STK32B: variants seen among roughly 807,000 people sequenced by gnomAD.
STK32B encodes serine/threonine kinase 32B.
In STK32B, 43 loss-of-function variants were observed where a neutral mutation model predicts 52.6. The ratio of observed to expected loss-of-function variants is 0.82; its 90% CI spans 0.64 to 1.05. STK32B has a LOEUF of 1.05. STK32B is among the 50% of genes least tolerant of loss of function. The pLI, the probability that STK32B is intolerant of heterozygous loss-of-function variation, is 0.00. For missense variants in STK32B, 621 were observed against 534.6 expected (o/e 1.16, Z -1.59); for synonymous variants, 238 against 204.3 (o/e 1.17, Z -1.41).
At chr4:5,413,936 C>G (rs919858789) in intron 5 of STK32B, among the ~76,000 whole-genome samples, 8 of 152,180 alleles carry the variant, frequency 5.3e-5, no homozygotes, top group Non-Finnish European at 1.5e-5. Context: ...ACATAATATG[C>G]GTACCCTTGG....
chr4:5,166,793 G>C (rs927916848), intron 2 of STK32B, among the ~76,000 whole-genome samples: 6 of 152,056 alleles, frequency 3.9e-5, no homozygotes, highest in African/African-American at 1.4e-4. Context: ...AGCAACCTGA[G>C]GAACCCACAC....
intron 3 of STK32B, among the ~76,000 whole-genome samples, chr4:5,229,741 G>A (rs1365113502): frequency 6.6e-6 from 1 of 152,080 alleles, no homozygotes; most frequent in Non-Finnish European, 1.5e-5. Flanking sequence ...TTTTCTGGAA[G>A]TTATCTTGAA....
At chr4:5,319,360 C>T (rs1164998316) in intron 3 of STK32B, among the ~76,000 whole-genome samples, 1 of 152,212 alleles carries the variant, frequency 6.6e-6, no homozygotes, top group African/African-American at 2.4e-5. Context: ...AACTGCTCTC[C>T]TGCCTAAAGC....
chr4:5,218,170 A>T (rs1469911832), intron 3 of STK32B, among the ~76,000 whole-genome samples: 1 of 152,168 alleles, frequency 6.6e-6, no homozygotes, highest in Non-Finnish European at 1.5e-5. Context: ...CTGGTAACAC[A>T]GGCTACTGGG....
At chr4:5,438,273 CA>C (rs1303838141) in intron 6 of STK32B, among the ~76,000 whole-genome samples, 1 of 152,176 alleles carries the variant, frequency 6.6e-6, no homozygotes, top group African/African-American at 2.4e-5. Context: ...GCTTCGGGCT[CA>C]GTGGTGGGAT....
At chr4:5,201,299 A>G (rs1390100384) in intron 3 of STK32B, among the ~76,000 whole-genome samples, 1 of 152,168 alleles carries the variant, frequency 6.6e-6, no homozygotes, top group Admixed American at 6.5e-5. Context: ...CTGGGGGTGT[A>G]GTGAGCATCC....
intron 3 of STK32B, among the ~76,000 whole-genome samples, chr4:5,264,003 A>G (rs1451568689): frequency 2.6e-5 from 4 of 152,144 alleles, no homozygotes; most frequent in Non-Finnish European, 5.9e-5. Flanking sequence ...AGTTTATTTC[A>G]TTTTATTGTG....
intron 6 of STK32B, 81 bp from the exon 7 acceptor site, chr4:5,446,592 T>A: frequency 8.3e-7 from 1 of 1,209,038 alleles, no homozygotes. Flanking sequence ...AAGCTCAATT[T>A]CTCTCCTTGT....
At chr4:5,444,204 C>A (rs1044633121) in intron 6 of STK32B, among the ~76,000 whole-genome samples, 41 of 152,208 alleles carry the variant, frequency 2.7e-4, no homozygotes, top group Non-Finnish European at 6.0e-4. Flanking sequence ...CCCAGCCTCG[C>A]TGCCGCCTTG....
At position 5,127,060 on chromosome 4, in the gene STK32B, A is replaced by T. The variant is rs1161877531; in HGVS notation, c.53-12845A>T. 6.0e-6 allele frequency: 3 copies of T among 498,454 alleles called. No individual in the cohort carries two copies. The East Asian group carries it at 1.7e-4, about 28-fold the overall frequency. The allele number at this position is 498,454 out of a possible 1,614,324, so 30.9% of individuals were successfully genotyped here. A position where few individuals can be genotyped will look rare whatever the true frequency, so the allele number is the denominator to read the frequency against. Reference sequence around the variant, plus strand: ...CAATGCTGAGATAAAGGTGCCATGGACATTGGTGCTGCCTAAGTGCTTTAT... The same window carrying T: ...CAATGCTGAGATAAAGGTGCCATGGTCATTGGTGCTGCCTAAGTGCTTTAT... On this transcript the variant is annotated intron_variant, in intron 1 of 11. Transcript: ENST00000282908.
intron 3 of STK32B, among the ~76,000 whole-genome samples, chr4:5,273,910 G>GT (rs1727617672): frequency 6.6e-6 from 1 of 150,844 alleles, no homozygotes; most frequent in Non-Finnish European, 1.5e-5. Flanking sequence ...GTTAGTGGGT[G>GT]TAGCGCACCA....
At chr4:5,041,110 C>T in the STK32B span, among the ~76,000 whole-genome samples, 1 of 152,204 alleles carries the variant, frequency 6.6e-6, no homozygotes, top group African/African-American at 2.4e-5. Flanking sequence ...AGAGGAGTCT[C>T]TTCTCGTTGA....
rs1206569351 is a variant in STK32B at position 5,457,158 on chromosome 4, A to G, written c.783+235A>G. The stretch of plus-strand genomic sequence containing the variant: ...GACCGCAAGCCCCTAGGCTCTTGTC[A>G]CTCTGCTACGAGCTCCTAATAAACG... On this transcript the variant is annotated intron_variant, in intron 8 of 11. Coordinates refer to ENST00000282908, the MANE Select transcript of STK32B (RefSeq NM_018401.3). Among the ~76,000 whole-genome samples the G allele has an allele frequency of 4.1e-5, 6 of 145,834 alleles. No homozygotes were observed. In the East Asian group the frequency reaches 1.0e-3, roughly 25 times the overall value.
chr4:5,286,451 C>A (rs957723942), intron 3 of STK32B, among the ~76,000 whole-genome samples: 2 of 152,126 alleles, frequency 1.3e-5, no homozygotes, highest in South Asian at 4.1e-4. Flanking sequence ...AGTCCTGTTG[C>A]CCCCTTCCAA....
rs7695940 is a variant in STK32B, at chr4:5,410,905, G to A, written c.473-5940G>A. Among the ~76,000 whole-genome samples, 1,194 of 152,250 alleles carry A rather than the reference G, an allele frequency of 7.8e-3. 20 individuals carry two copies. The highest frequency in any genetic ancestry group is 0.027 in the African/African-American group (1,112 of 41,538). ...GCAGATTCAGTGTCTGGTGAGGGCT[G>A]CTCTCTGCTTCCAAGTTGATATCTT... is the stretch of plus-strand genomic sequence containing the variant. On this transcript the variant is annotated intron_variant, in intron 5 of 11. Coordinates refer to ENST00000282908, the MANE Select transcript of STK32B (RefSeq NM_018401.3).
intron 3 of STK32B, among the ~76,000 whole-genome samples, chr4:5,276,818 GCTT>G (rs1361139550): frequency 6.6e-6 from 1 of 151,972 alleles, no homozygotes; most frequent in African/African-American, 2.4e-5. Flanking sequence ...TGCAGTTTCC[GCTT>G]CTTCTCTGTC....
At chr4:5,354,850 T>C (rs115197304) in intron 4 of STK32B, among the ~76,000 whole-genome samples, 4,770 of 152,190 alleles carry the variant, frequency 0.031, 103 homozygotes, top group Middle Eastern at 0.061. Context: ...AAAATTAATA[T>C]AAAAACTAAA....
intron 1 of STK32B, among the ~76,000 whole-genome samples, chr4:5,097,057 A>G (rs962769452): frequency 6.6e-5 from 10 of 152,214 alleles, no homozygotes; most frequent in African/African-American, 1.7e-4. Flanking sequence ...TTGCACCCCA[A>G]TTGGTCCAGT....
chr4:5,419,226 A>C (rs541870449), intron 6 of STK32B, among the ~76,000 whole-genome samples: 6 of 152,286 alleles, frequency 3.9e-5, no homozygotes, highest in African/African-American at 1.4e-4. Context: ...TAACAGACCT[A>C]TCTGTTGTAT....
Sources: allele counts gnomAD v4.1 joint callset (sites outside exome capture counted in the v4.1 genomes callset), GRCh38; gene constraint gnomAD v4.1.1; transcripts MANE v1.5; gene names NCBI Gene and HGNC (gene_info 2026-07-23, HGNC 2026-07-21).